The following IGLON5 variants were observed in gnomAD, a reference collection of about 807,000 sequenced individuals.
IGLON5 encodes Ig-like domain-containing protein ENSP00000270642.
IGLON5 carries 16 observed loss-of-function variants against 38.2 expected under a neutral mutation model. That is an observed-to-expected ratio of 0.42 (90% confidence interval 0.28 to 0.64). The LOEUF (loss-of-function observed/expected upper bound fraction) is 0.64, where lower values mean the gene tolerates loss of function less well. IGLON5 is among the 30% of genes least tolerant of loss of function. IGLON5 has a pLI of 0.23. For synonymous variants in IGLON5, 207 were observed against 216.4 expected (o/e 0.96, Z 0.38); for missense variants, 366 against 483.4 (o/e 0.76, Z 2.28).
chr19:51,325,338 G>A lies in IGLON5; in HGVS notation c.392-8G>A. ...GCATCCATATTCAGCCTCTGCCGCT[G>A]CCCGCAGTCCCTGCCCGCATTGTGA... On this transcript the variant is annotated splice_polypyrimidine_tract_variant and splice_region_variant and intron_variant, in intron 3 of 7. Transcript: ENST00000270642. This position sits in a 1 kb window ranked among gnomAD's most constrained non-coding sequence, Gnocchi z 5.5. The A allele has an allele frequency of 6.2e-7, 1 of 1,613,094 alleles. No homozygotes were observed. The highest frequency in any genetic ancestry group is 1.7e-5 in the Admixed American group (1 of 59,886).
chr19:51,327,792 T>C lies in IGLON5; in HGVS notation c.828T>C (p.Leu276=). Residue 276 remains leucine (L), a synonymous_variant, in exon 7 of 8, where the codon CTT becomes CTC. Coordinates refer to ENST00000270642, the MANE Select transcript of IGLON5 (RefSeq NM_001101372.3). This position sits in a 1 kb window ranked among gnomAD's most constrained non-coding sequence, Gnocchi z 7.1. Reference sequence around the variant, plus strand: ...AGACGGAGCGCACCCGCTCGATGCTTCTCTTTGCCAACGTGAGCGCCCGGC... The same window carrying C: ...AGACGGAGCGCACCCGCTCGATGCTCCTCTTTGCCAACGTGAGCGCCCGGC... ...KVQTERTRSM[L]LFANVSARHY... is the part of the protein sequence containing the mutation. The C allele has an allele frequency of 6.4e-7, 1 of 1,570,424 alleles. No homozygotes were observed. Among genetic ancestry groups the C allele is most frequent in the South Asian group, 1.2e-5 (1 of 85,382 alleles).
chr19:51,319,662 G>A (rs939851291), intron 1 of IGLON5, among the ~76,000 whole-genome samples: 9 of 152,140 alleles, frequency 5.9e-5, no homozygotes, highest in Non-Finnish European at 1.0e-4. Flanking sequence ...ATATGATGGG[G>A]TGACTCAGGG....
At position 51,325,542 on chromosome 19, in the gene IGLON5, C is replaced by T. The variant is rs950671541; in HGVS notation, c.511+77C>T. On this transcript the variant is annotated intron_variant, in intron 4 of 7. Coordinates refer to ENST00000270642, the MANE Select transcript of IGLON5 (RefSeq NM_001101372.3). This position sits in a 1 kb window ranked among gnomAD's most constrained non-coding sequence, Gnocchi z 5.5. ...GCCCCTCCATTCCCCATATCCCTAGCTAGTTTCCCCAGCCCCCTTCTCCCT... is the reference window on the plus strand; with the variant it reads ...GCCCCTCCATTCCCCATATCCCTAGTTAGTTTCCCCAGCCCCCTTCTCCCT... The T allele has an allele frequency of 2.8e-6, 4 of 1,436,210 alleles. No individual in the cohort carries two copies. In the African/African-American group the frequency reaches 5.7e-5, roughly 21 times the overall value. 89.0% of individuals were successfully genotyped at this position (1,436,210 alleles called of 1,614,324 possible). A position where few individuals can be genotyped will look rare whatever the true frequency, so the allele number is the denominator to read the frequency against.
chr19:51,320,586 G>A (rs545492837), intron 1 of IGLON5, among the ~76,000 whole-genome samples: 2 of 152,336 alleles, frequency 1.3e-5, no homozygotes, highest in African/African-American at 2.4e-5. Flanking sequence ...TGAAGTGTGC[G>A]AGTGGGCATG....
At chr19:51,316,344 CAA>C (rs552905197) in intron 1 of IGLON5, among the ~76,000 whole-genome samples, 32 of 83,560 alleles carry the variant, frequency 3.8e-4, no homozygotes, top group East Asian at 3.5e-4. Flanking sequence ...TACCCTGTCT[CAA>C]AAAAAAAAAA....
At position 51,314,419 on chromosome 19, in the gene IGLON5, G is replaced by C. The variant is rs569260864; in HGVS notation, c.79+2493G>C. On this transcript the variant is annotated intron_variant, in intron 1 of 7. Transcript: ENST00000270642. ...GGCTGGTTTCGAACTCCTGACCTCA[G>C]GTGATCTGCCCACCTCAGCCTCCCA... Among the ~76,000 whole-genome samples, 33 of 151,954 alleles carry C rather than the reference G, an allele frequency of 2.2e-4. 1 individual carries two copies. Among genetic ancestry groups the C allele is most frequent in the Non-Finnish European group, 2.8e-4 (19 of 67,990 alleles).
chr19:51,328,776 C>T lies in IGLON5; in HGVS notation c.*17C>T. ...AGAATGTAGGCGCAACCCAGTGGAGCTCACCTCCCCCTGCAGGGGGCCTCA... is the reference window on the plus strand; with the variant it reads ...AGAATGTAGGCGCAACCCAGTGGAGTTCACCTCCCCCTGCAGGGGGCCTCA... On this transcript the variant is annotated 3_prime_UTR_variant, in exon 8 of 8. Coordinates refer to ENST00000270642, the MANE Select transcript of IGLON5 (RefSeq NM_001101372.3). 1 of 1,566,808 alleles carries T rather than the reference C, an allele frequency of 6.4e-7. No homozygotes were observed. The highest frequency in any genetic ancestry group is 8.7e-7 in the Non-Finnish European group (1 of 1,155,342).
Position 51,327,057 on chromosome 19 carries a change from C to T in IGLON5, c.647-23C>T, listed in dbSNP as rs773467238. 3.1e-6 allele frequency: 5 copies of T among 1,601,994 alleles called. No individual in the cohort carries two copies. The South Asian group carries it at 4.4e-5, about 14-fold the overall frequency. On this transcript the variant is annotated intron_variant, in intron 5 of 7. Coordinates refer to ENST00000270642, the MANE Select transcript of IGLON5 (RefSeq NM_001101372.3). This position sits in a 1 kb window ranked among gnomAD's most constrained non-coding sequence, Gnocchi z 7.1. ...TCGTCCCCACGCGGCTAGGAGAATTCGCTGACCCTTGCCCCTCGCCAGATC... is the reference window on the plus strand; with the variant it reads ...TCGTCCCCACGCGGCTAGGAGAATTTGCTGACCCTTGCCCCTCGCCAGATC...
Position 51,328,975 on chromosome 19 carries a change from A to C in IGLON5, c.*216A>C. 2.1e-6 allele frequency: 1 copy of C among 479,626 alleles called. No individual in the cohort carries two copies. The allele number at this position is 479,626 out of a possible 1,614,324, so 29.7% of individuals were successfully genotyped here. On this transcript the variant is annotated 3_prime_UTR_variant, in exon 8 of 8. Coordinates refer to ENST00000270642, the MANE Select transcript of IGLON5 (RefSeq NM_001101372.3). ...CAAAATTATGCATCTTTCTACAGCC[A>C]TTCTCGCCACCCGTTCACGTTTCCG...
Position 51,327,896 on chromosome 19 carries a change from C to CGGGCG in IGLON5, c.922+20_922+24dup. 1.2e-6 allele frequency: 1 copy of CGGGCG among 868,204 alleles called. No homozygotes were observed. The highest frequency in any genetic ancestry group is 1.9e-5 in the African/African-American group (1 of 53,902). The allele number at this position is 868,204 out of a possible 1,614,324, so 53.8% of individuals were successfully genotyped here. On this transcript the variant is annotated intron_variant, in intron 7 of 7. Coordinates refer to ENST00000270642, the MANE Select transcript of IGLON5 (RefSeq NM_001101372.3). This position sits in a 1 kb window ranked among gnomAD's most constrained non-coding sequence, Gnocchi z 7.1. ...TCCATGCGGCTCCTGCGTGCGTCTT[C>CGGGCG]GGGCGGGGCGGGGCCGGGAAGGTGG... is the stretch of plus-strand genomic sequence containing the variant.
At chr19:51,314,543 T>G (rs1421975616) in intron 1 of IGLON5, among the ~76,000 whole-genome samples, 1 of 152,134 alleles carries the variant, frequency 6.6e-6, no homozygotes, top group Non-Finnish European at 1.5e-5. Context: ...CAGGAAGCTG[T>G]GGCAGAGCCA....
rs1985337767 is a variant in IGLON5 at position 51,330,748 on chromosome 19, G to A, written c.*1989G>A. Among the ~76,000 whole-genome samples the A allele has an allele frequency of 6.6e-6, 1 of 152,196 alleles. No individual in the cohort carries two copies. The highest frequency in any genetic ancestry group is 2.1e-4 in the South Asian group (1 of 4,834). On this transcript the variant is annotated 3_prime_UTR_variant, in exon 8 of 8. Transcript: ENST00000270642. Reference sequence around the variant, plus strand: ...AGGACAGCATATGGAGCCTGAGAAGGATAGGAACACTGTGAAGGGCAGAGT... The same window carrying A: ...AGGACAGCATATGGAGCCTGAGAAGAATAGGAACACTGTGAAGGGCAGAGT...
Position 51,327,662 on chromosome 19 carries a change from G to A in IGLON5, c.768-70G>A, listed in dbSNP as rs1268224754. The A allele has an allele frequency of 2.0e-5, 30 of 1,530,766 alleles. No individual in the cohort carries two copies. Among genetic ancestry groups the A allele is most frequent in the Non-Finnish European group, 2.4e-5 (28 of 1,144,184 alleles). 94.8% of individuals were successfully genotyped at this position (1,530,766 alleles called of 1,614,324 possible). A position where few individuals can be genotyped will look rare whatever the true frequency, so the allele number is the denominator to read the frequency against. ...GAATGCTGGGTCACCGGGGAACGGA[G>A]GAGCCTGAGAGTCGGGGGGCTGGCC... On this transcript the variant is annotated intron_variant, in intron 6 of 7. Transcript: ENST00000270642. The surrounding 1 kb of genome is among the most constrained non-coding windows in gnomAD (Gnocchi z 7.1).
chr19:51,314,482 C>T (rs368091703), intron 1 of IGLON5, among the ~76,000 whole-genome samples: 299 of 152,316 alleles, frequency 2.0e-3, no homozygotes, highest in African/African-American at 6.9e-3. Flanking sequence ...CTGTCTGGCC[C>T]CCACATTCAT....
chr19:51,318,814 G>A (rs2123518584), intron 1 of IGLON5, among the ~76,000 whole-genome samples: 1 of 152,316 alleles, frequency 6.6e-6, no homozygotes, highest in East Asian at 1.9e-4. Context: ...GGCAGTGCCT[G>A]CTTCAATCAG....
intron 2 of IGLON5, among the ~76,000 whole-genome samples, chr19:51,322,581 TCTCTCTCTCTCTCGCTTG>T (rs1798861398): frequency 2.1e-5 from 2 of 95,812 alleles, no homozygotes; most frequent in South Asian, 4.3e-4. Context: ...CGCCTCTCTC[TCTCTCTCTCTCTCGCTTG>T]CTCTCTCTCT....
At chr19:51,323,942 G>A in intron 3 of IGLON5, 48 bp downstream of exon 3, 2 of 1,309,038 alleles carry the variant, frequency 1.5e-6, no homozygotes, top group African/African-American at 1.4e-5. Context: ...TGAGAGCGTG[G>A]GGGAGACTAG....
rs949943249 is a variant in IGLON5 at position 51,329,384 on chromosome 19, A to G, written c.*625A>G. 6.6e-6 allele frequency: 1 copy of G among 152,154 alleles called. No individual in the cohort carries two copies. The highest frequency in any genetic ancestry group is 2.4e-5 in the African/African-American group (1 of 41,408). 9.4% of individuals were successfully genotyped at this position (152,154 alleles called of 1,614,324 possible). Reference sequence around the variant, plus strand: ...GGAGGGGCATCGCACTCACCTGTCAAGCTGTCATTCAGCCTTTGTGAGTAA... The same window carrying G: ...GGAGGGGCATCGCACTCACCTGTCAGGCTGTCATTCAGCCTTTGTGAGTAA... On this transcript the variant is annotated 3_prime_UTR_variant, in exon 8 of 8. Coordinates refer to ENST00000270642, the MANE Select transcript of IGLON5 (RefSeq NM_001101372.3). This position sits in a 1 kb window ranked among gnomAD's most constrained non-coding sequence, Gnocchi z 4.3.
intron 1 of IGLON5, among the ~76,000 whole-genome samples, chr19:51,321,339 G>A (rs1253387603): frequency 1.3e-5 from 2 of 152,006 alleles, no homozygotes; most frequent in East Asian, 1.9e-4. Context: ...CACCACACCC[G>A]GCTAATATTT....
Sources: gnomAD v4.1 joint callset for allele counts (sites outside exome capture counted in the v4.1 genomes callset) on GRCh38, gnomAD v4.1.1 for gene constraint, Gnocchi (gnomAD v3.1) non-coding constraint, MANE v1.5 for transcripts, NCBI Gene and HGNC (gene_info 2026-07-23, HGNC 2026-07-21) for gene names.